Variants in CTXN2 observed in about 807,000 individuals in gnomAD.
CTXN2 encodes the protein cortexin 2.
Under a neutral mutation model 5.7 loss-of-function variants are expected in CTXN2, and 3 were observed. The ratio of observed to expected loss-of-function variants is 0.53; its 90% confidence interval spans 0.24 to 1.36. The LOEUF (loss-of-function observed/expected upper bound fraction) is 1.36, where lower values mean the gene tolerates loss of function less well. Among genes scored for constraint, CTXN2 ranks in the 40% most tolerant of loss-of-function variants. The probability of loss-of-function intolerance (pLI) is 0.17; values close to 1 mark genes in which losing one functional copy is unlikely to be tolerated. For missense variants in CTXN2, 87 were observed against 93.0 expected (o/e 0.94, Z 0.26); for synonymous variants, 38 against 36.4 (o/e 1.04, Z -0.16).
intron 1 of CTXN2, chr15:48,178,573 C>T (rs1467266037): frequency 1.1e-5 from 3 of 280,134 alleles, no homozygotes; most frequent in Admixed American, 5.4e-5. Flanking sequence ...TCGCTTGGCA[C>T]CAGTGGAGTC....
At chr15:48,199,783 C>T (rs1015610067) in intron 1 of CTXN2, among the ~76,000 whole-genome samples, 2 of 152,100 alleles carry the variant, frequency 1.3e-5, no homozygotes, top group African/African-American at 2.4e-5. Context: ...GTTTAAAAAA[C>T]TAAAGTCTTC....
In CTXN2 at chr15:48,202,452, T is replaced by A. The variant is rs1356372574; in HGVS notation, c.*906T>A. 1 of 167,078 alleles carries A rather than the reference T, an allele frequency of 6.0e-6. No homozygotes were observed. Among genetic ancestry groups the A allele is most frequent in the African/African-American group, 2.4e-5 (1 of 41,462 alleles). 10.3% of individuals were successfully genotyped at this position (167,078 alleles called of 1,614,324 possible). The stretch of plus-strand genomic sequence containing the variant: ...CTGAAATGAATGAGGATTTAAGATA[T>A]CATGAAAAGTTTTTCAGATTAGGAG... On this transcript the variant is annotated 3_prime_UTR_variant, in exon 2 of 2. Transcript: ENST00000417307.
intron 1 of CTXN2, among the ~76,000 whole-genome samples, chr15:48,200,277 A>G (rs960496292): frequency 1.4e-5 from 2 of 144,770 alleles, no homozygotes; most frequent in African/African-American, 2.9e-5. Context: ...GTGGCTGTAC[A>G]TTAGTAATTA....
chr15:48,201,095 A>T lies in CTXN2; in HGVS notation c.-57-149A>T, dbSNP rs1249903352. 5.2e-6 allele frequency: 3 copies of T among 578,230 alleles called. No homozygotes were observed. In the East Asian group the frequency reaches 8.5e-5, roughly 16 times the overall value. 35.8% of individuals were successfully genotyped at this position (578,230 alleles called of 1,614,324 possible). On this transcript the variant is annotated intron_variant, in intron 1 of 1. Coordinates refer to ENST00000417307, the MANE Select transcript of CTXN2 (RefSeq NM_001145668.2). Reference sequence around the variant, plus strand: ...TTTAGAAGTAGCATCTCCAATGCTAATTTGATTCCAATCTGTATCTGATGA... The same window carrying T: ...TTTAGAAGTAGCATCTCCAATGCTATTTTGATTCCAATCTGTATCTGATGA...
intron 1 of CTXN2, among the ~76,000 whole-genome samples, chr15:48,185,251 G>T (rs534307451): frequency 6.6e-6 from 1 of 152,200 alleles, no homozygotes; most frequent in Non-Finnish European, 1.5e-5. Flanking sequence ...TCATAGAACT[G>T]ACCAACAAAA....
At chr15:48,197,202 C>T (rs2040887960) in intron 1 of CTXN2, among the ~76,000 whole-genome samples, 2 of 151,892 alleles carry the variant, frequency 1.3e-5, no homozygotes, top group African/African-American at 4.8e-5. Flanking sequence ...CACCTCAAAG[C>T]CTTTGTAAAG....
chr15:48,184,334 A>G (rs1176340700), intron 1 of CTXN2, among the ~76,000 whole-genome samples: 1 of 152,210 alleles, frequency 6.6e-6, no homozygotes, highest in Non-Finnish European at 1.5e-5. Context: ...TACCAAATAT[A>G]CAACTGTTCA....
chr15:48,201,217 C>G (rs942790216), intron 1 of CTXN2, 27 bp from the exon 2 acceptor site: 2 of 1,455,746 alleles, frequency 1.4e-6, no homozygotes, highest in African/African-American at 2.8e-5. Context: ...AAGGGTAAAA[C>G]TAAACTGAGT....
chr15:48,186,625 G>A (rs1309583734), intron 1 of CTXN2, among the ~76,000 whole-genome samples: 1 of 152,144 alleles, frequency 6.6e-6, no homozygotes, highest in East Asian at 1.9e-4. Context: ...AGTTGGCCAG[G>A]CGCGTTGGCT....
At position 48,179,410 on chromosome 15, in the gene CTXN2, CACACACAT is replaced by C. The variant is rs1038509978; in HGVS notation, c.-455+1018_-455+1025del. ...TACCAAGTTCAGCTACTTCATCACACACACACATACACACACACACATACACAAACACA... is the reference window on the plus strand; with the variant it reads ...TACCAAGTTCAGCTACTTCATCACACACACACACACACATACACAAACACA... On this transcript the variant is annotated intron_variant, in intron 1 of 2. Coordinates refer to the CTXN2 transcript ENST00000644354. Among the ~76,000 whole-genome samples, 35 of 44,266 alleles carry C rather than the reference CACACACAT, an allele frequency of 7.9e-4. No individual in the cohort carries two copies. In the Non-Finnish European group the frequency reaches 0.025, roughly 31 times the overall value. The allele number at this position is 44,266 out of a possible 152,430, so 29.0% of individuals were successfully genotyped here. A position where few individuals can be genotyped will look rare whatever the true frequency, so the allele number is the denominator to read the frequency against.
Position 48,197,907 on chromosome 15 carries a change from T to G in CTXN2, c.-57-3337T>G, listed in dbSNP as rs74633929. Among the ~76,000 whole-genome samples, 848 of 152,246 alleles carry G rather than the reference T, an allele frequency of 5.6e-3. 21 individuals are homozygous for G. The highest frequency in any genetic ancestry group is 0.041 in the East Asian group (212 of 5,184). ...AGCCTTTGAAGTATCTTACAATACC[T>G]TCTTAGTTAAGGGTAACAGTCAAGT... is the stretch of plus-strand genomic sequence containing the variant. On this transcript the variant is annotated intron_variant, in intron 1 of 1. Transcript: ENST00000417307.
chr15:48,199,639 C>T (rs891234527), intron 1 of CTXN2, among the ~76,000 whole-genome samples: 8 of 152,106 alleles, frequency 5.3e-5, no homozygotes, highest in Non-Finnish European at 1.0e-4. Context: ...GACATTTAGT[C>T]AGCAAAAGAA....
chr15:48,181,937 T>C (rs2040704425), intron 1 of CTXN2, among the ~76,000 whole-genome samples: 1 of 152,232 alleles, frequency 6.6e-6, no homozygotes, highest in Non-Finnish European at 1.5e-5. Flanking sequence ...TTCGTAACTT[T>C]TTAAAATACT....
intron 1 of CTXN2, among the ~76,000 whole-genome samples, chr15:48,195,703 C>T (rs1424880188): frequency 6.6e-6 from 1 of 152,106 alleles, no homozygotes; most frequent in Admixed American, 6.6e-5. Context: ...TGGGTGATAT[C>T]TTGATTTCAT....
intron 1 of CTXN2, among the ~76,000 whole-genome samples, chr15:48,180,648 A>G (rs2040694057): frequency 6.6e-6 from 1 of 152,168 alleles, no homozygotes; most frequent in Admixed American, 6.5e-5. Context: ...AGTAGCTGGG[A>G]CTACAGGCGC....
chr15:48,183,224 G>A (rs774548309), intron 1 of CTXN2, among the ~76,000 whole-genome samples: 1 of 152,120 alleles, frequency 6.6e-6, no homozygotes, highest in African/African-American at 2.4e-5. Context: ...ACATATGAAG[G>A]AGACAGTTAC....
At chr15:48,185,263 G>C (rs1315823084) in intron 1 of CTXN2, among the ~76,000 whole-genome samples, 1 of 152,186 alleles carries the variant, frequency 6.6e-6, no homozygotes, top group Middle Eastern at 3.4e-3. Context: ...CCAACAAAAA[G>C]AATAAACTCT....
chr15:48,199,338 A>T (rs1209710808), intron 1 of CTXN2, among the ~76,000 whole-genome samples: 1 of 152,190 alleles, frequency 6.6e-6, no homozygotes, highest in Non-Finnish European at 1.5e-5. Context: ...CTGGGCAATA[A>T]GTCCTTCACT....
At chr15:48,183,413 T>C (rs928658459) in intron 1 of CTXN2, among the ~76,000 whole-genome samples, 1 of 152,218 alleles carries the variant, frequency 6.6e-6, no homozygotes, top group Admixed American at 6.5e-5. Context: ...AACTTTAACT[T>C]TTACGATGAT....
Sources: gnomAD v4.1 joint callset for allele counts (sites outside exome capture counted in the v4.1 genomes callset) on GRCh38, gnomAD v4.1.1 for gene constraint, MANE v1.5 for transcripts, NCBI Gene and HGNC (gene_info 2026-07-23, HGNC 2026-07-21) for gene names.